LAMA2: variants seen among roughly 807,000 people sequenced by gnomAD.
The protein encoded by LAMA2 is laminin subunit alpha 2.
In LAMA2, 269 loss-of-function variants were observed where a neutral mutation model predicts 364.8. That is an observed-to-expected ratio of 0.74 (90% confidence interval 0.67 to 0.82). LAMA2 has a LOEUF of 0.82. Ranked by LOEUF, LAMA2 falls within the 40% of genes least tolerant of loss-of-function variation. The probability of loss-of-function intolerance (pLI) is 0.00; values close to 1 mark genes in which losing one functional copy is unlikely to be tolerated. For missense variants in LAMA2, 3,807 were observed against 3,873.2 expected (o/e 0.98, Z 0.45); for synonymous variants, 1,379 against 1,370.6 (o/e 1.01, Z -0.14).
At chr6:129,472,990 C>T (rs1409369065) in intron 51 of LAMA2, among the ~76,000 whole-genome samples, 1 of 151,928 alleles carries the variant, frequency 6.6e-6, no homozygotes, top group Non-Finnish European at 1.5e-5. Flanking sequence ...TTTGCCTTCA[C>T]TGGTGTTCAA....
chr6:129,354,586 T>A (rs769402469), intron 32 of LAMA2, among the ~76,000 whole-genome samples: 1 of 152,172 alleles, frequency 6.6e-6, no homozygotes, highest in Non-Finnish European at 1.5e-5. Context: ...ATTAACTAGA[T>A]AATATATAGA....
chr6:129,384,125 G>A (rs565054645), intron 35 of LAMA2, among the ~76,000 whole-genome samples: 1 of 152,234 alleles, frequency 6.6e-6, no homozygotes, highest in Admixed American at 6.5e-5. Flanking sequence ...GAAGCAACAG[G>A]GTTTTAATTT....
chr6:129,486,504 C>T lies in LAMA2; in HGVS notation c.7780C>T (p.Arg2594Cys), dbSNP rs546988105. The T allele has an allele frequency of 1.8e-5, 29 of 1,613,770 alleles. No homozygotes were observed. The highest frequency in any genetic ancestry group is 1.7e-4 in the Admixed American group (10 of 59,992). The change falls in exon 56 of 65, where the codon CGT (arginine) becomes TGT (cysteine). Residue 2594 changes from arginine (R) to cysteine (C), a missense_variant. By Grantham distance (180) the Arg-to-Cys change is radical. Coordinates refer to ENST00000421865, the MANE Select transcript of LAMA2 (RefSeq NM_000426.4). ...AYYAILLNRGRLEVHLSTGAR... is the reference protein window; with the variant it reads ...AYYAILLNRGCLEVHLSTGAR... ...TTATGCAATACTCCTCAACAGGGGC[C>T]GTCTGGAAGTGCATCTCTCCACAGG...
chr6:129,412,809 C>T (rs755601757), intron 40 of LAMA2, among the ~76,000 whole-genome samples: 1 of 152,068 alleles, frequency 6.6e-6, no homozygotes, highest in Non-Finnish European at 1.5e-5. Flanking sequence ...ACATGTAGGC[C>T]CCTACCATAC....
At chr6:129,419,534 A>G (rs932989423) in intron 40 of LAMA2, among the ~76,000 whole-genome samples, 2 of 152,198 alleles carry the variant, frequency 1.3e-5, no homozygotes, top group East Asian at 3.8e-4. Context: ...GAAGCAGTCT[A>G]GTGGTACACA....
intron 1 of LAMA2, among the ~76,000 whole-genome samples, chr6:128,913,862 G>A (rs1048231070): frequency 6.6e-6 from 1 of 152,082 alleles, no homozygotes; most frequent in Non-Finnish European, 1.5e-5. Context: ...TTATGGAAAC[G>A]CTCTATATTT....
intron 1 of LAMA2, among the ~76,000 whole-genome samples, chr6:128,911,528 C>T (rs1462433159): frequency 6.6e-6 from 1 of 152,160 alleles, no homozygotes. Flanking sequence ...CTGACCTGCG[C>T]CCACTGTCTG....
chr6:129,212,306 A>G (rs1783152194), intron 12 of LAMA2, among the ~76,000 whole-genome samples: 1 of 152,220 alleles, frequency 6.6e-6, no homozygotes, highest in African/African-American at 2.4e-5. Context: ...GACTGGAAAG[A>G]ACTTGAGCAG....
chr6:129,148,304 GA>G (rs1438097212), intron 6 of LAMA2, among the ~76,000 whole-genome samples: 4 of 152,070 alleles, frequency 2.6e-5, no homozygotes, highest in Non-Finnish European at 4.4e-5. Context: ...GCTAAACAAT[GA>G]GAACACATGG....
At chr6:128,987,161 C>G (rs1439226376) in intron 1 of LAMA2, among the ~76,000 whole-genome samples, 3 of 95,808 alleles carry the variant, frequency 3.1e-5, no homozygotes, top group Non-Finnish European at 4.2e-5. Flanking sequence ...TTTTTTGAGG[C>G]AGAGTCTCTC....
intron 24 of LAMA2, 81 bp from the exon 25 acceptor site, chr6:129,315,395 A>G: frequency 8.3e-7 from 1 of 1,198,348 alleles, no homozygotes; most frequent in Non-Finnish European, 1.2e-6. Flanking sequence ...AACTGCAGAT[A>G]GACATGCAGT....
At chr6:129,434,889 A>C (rs1781761574) in intron 41 of LAMA2, among the ~76,000 whole-genome samples, 1 of 152,172 alleles carries the variant, frequency 6.6e-6, no homozygotes, top group African/African-American at 2.4e-5. Flanking sequence ...TACTTTAGAA[A>C]AAGGTGATCA....
intron 4 of LAMA2, among the ~76,000 whole-genome samples, chr6:129,130,003 G>A (rs1178451749): frequency 2.0e-5 from 3 of 152,080 alleles, no homozygotes; most frequent in East Asian, 1.9e-4. Context: ...AGATGTAGCT[G>A]TTAGGAGGAA....
At chr6:128,946,145 A>G (rs2114555356) in intron 1 of LAMA2, among the ~76,000 whole-genome samples, 1 of 152,032 alleles carries the variant, frequency 6.6e-6, no homozygotes, top group East Asian at 1.9e-4. Context: ...GGAACTGATT[A>G]TCAATGAATG....
chr6:129,113,107 G>A (rs1245207939), intron 4 of LAMA2, among the ~76,000 whole-genome samples: 3 of 151,950 alleles, frequency 2.0e-5, no homozygotes, highest in Admixed American at 2.0e-4. Flanking sequence ...AGAAACATTT[G>A]GAGTTTTAGC....
chr6:129,442,804 A>AT (rs1312594717), intron 43 of LAMA2: 1 of 490,028 alleles, frequency 2.0e-6, no homozygotes, highest in East Asian at 4.4e-5. Context: ...ATCTATAAAT[A>AT]TTAATTAAAT....
chr6:129,263,579 G>A (rs540295746), intron 15 of LAMA2, among the ~76,000 whole-genome samples: 69 of 152,116 alleles, frequency 4.5e-4, no homozygotes, highest in South Asian at 6.2e-4. Flanking sequence ...TTGTAAGCAA[G>A]GGGAAAAGTG....
At chr6:129,493,426 C>T (rs1784986152) in intron 58 of LAMA2, among the ~76,000 whole-genome samples, 1 of 152,202 alleles carries the variant, frequency 6.6e-6, no homozygotes, top group Non-Finnish European at 1.5e-5. Context: ...TAACCGGGCC[C>T]AACCCTGCTT....
intron 40 of LAMA2, among the ~76,000 whole-genome samples, chr6:129,413,272 G>A (rs1241864360): frequency 2.0e-5 from 3 of 151,854 alleles, no homozygotes; most frequent in Non-Finnish European, 4.4e-5. Context: ...AGCCTGCAAG[G>A]TCATAATAAC....
Sources: allele counts gnomAD v4.1 joint callset (sites outside exome capture counted in the v4.1 genomes callset), GRCh38; gene constraint gnomAD v4.1.1; transcripts MANE v1.5; gene names NCBI Gene and HGNC (gene_info 2026-07-23, HGNC 2026-07-21).